The following CABIN1 variants were observed in gnomAD, a reference collection of about 807,000 sequenced individuals.
The protein encoded by CABIN1 is calcineurin binding protein 1, also known as calcineurin-binding protein cabin-1.
CABIN1 carries 133 observed loss-of-function variants against 227.7 expected under a neutral mutation model. The ratio of observed to expected loss-of-function variants is 0.58; its 90% CI spans 0.51 to 0.67. The LOEUF (loss-of-function observed/expected upper bound fraction) is 0.67. Ranked by LOEUF, CABIN1 falls within the 30% of genes least tolerant of loss-of-function variation. The pLI is 0.00. For synonymous variants in CABIN1, 1,086 were observed against 1,155.1 expected (o/e 0.94, Z 1.21); for missense variants, 2,408 against 2,852.5 (o/e 0.84, Z 3.55).
chr22:24,044,409 T>G (rs571701900), intron 6 of CABIN1, among the ~76,000 whole-genome samples: 1 of 152,344 alleles, frequency 6.6e-6, no homozygotes, highest in East Asian at 1.9e-4. Flanking sequence ...GATACCTGAT[T>G]AAATCTGTGG....
At chr22:24,018,806 G>A (rs1002579834) in intron 1 of CABIN1, among the ~76,000 whole-genome samples, 15 of 151,396 alleles carry the variant, frequency 9.9e-5, no homozygotes, top group African/African-American at 3.4e-4. Flanking sequence ...ATATTATCTT[G>A]TCAGTATTTG....
Position 24,098,423 on chromosome 22 carries a change from AGG to A in CABIN1, c.4117+235_4117+236del, listed in dbSNP as rs2042022785. On this transcript the variant is annotated intron_variant, in intron 26 of 36. Coordinates refer to ENST00000263119, the MANE Select transcript of CABIN1 (RefSeq NM_012295.4). ...AGCTTGCCCACCTGGGAGCCAGGGG[AGG>A]GGGCAGGCCAGGCTATGGCATCTCA... is the stretch of plus-strand genomic sequence containing the variant. The A allele has an allele frequency of 5.6e-5, 46 of 823,276 alleles. No homozygotes were observed. In the East Asian group the frequency reaches 1.3e-3, roughly 23 times the overall value. The allele number at this position is 823,276 out of a possible 1,614,324, so 51.0% of individuals were successfully genotyped here. A position where few individuals can be genotyped will look rare whatever the true frequency, so the allele number is the denominator to read the frequency against.
intron 1 of CABIN1, among the ~76,000 whole-genome samples, chr22:24,034,060 A>G (rs2036688992): frequency 6.6e-6 from 1 of 152,206 alleles, no homozygotes; most frequent in Admixed American, 6.5e-5. Flanking sequence ...ATCATCAGGC[A>G]TTAGTTAGAT....
rs562686515 is a variant in CABIN1 at position 24,100,173 on chromosome 22, T to C, written c.4117+1981T>C. Among the ~76,000 whole-genome samples the C allele has an allele frequency of 3.9e-5, 6 of 152,378 alleles. No homozygotes were observed. The South Asian group carries it at 1.2e-3, about 32-fold the overall frequency. ...AAAAAAATGTCTTCAAAGTGATTCC[T>C]GTCAAAGACACAAAGCCATCAGGAT... On this transcript the variant is annotated intron_variant, in intron 26 of 36. Coordinates refer to ENST00000263119, the MANE Select transcript of CABIN1 (RefSeq NM_012295.4).
At chr22:24,150,975 ACT>A (rs1307770127) in intron 29 of CABIN1, among the ~76,000 whole-genome samples, 4 of 151,808 alleles carry the variant, frequency 2.6e-5, no homozygotes, top group African/African-American at 9.7e-5. Flanking sequence ...TTTGGGGGTG[ACT>A]CTGTAGGGCA....
At chr22:24,046,445 C>G (rs1433890230) in intron 6 of CABIN1, among the ~76,000 whole-genome samples, 1 of 152,128 alleles carries the variant, frequency 6.6e-6, no homozygotes, top group Non-Finnish European at 1.5e-5. Flanking sequence ...GCAGTTTCTT[C>G]TTCTGGAGGC....
chr22:24,049,149 G>C lies in CABIN1; in HGVS notation c.585G>C (p.Leu195=). ...LEKDCRYSKG[L]VLKEKIFEEQ... ...AGGATTGCCGGTACAGCAAAGGGCT[G>C]GTCCTCAAGGAGAAGATTTTTGAGG... The change falls in exon 7 of 37, where the codon CTG becomes CTC. Residue 195 remains leucine (L), a synonymous_variant. Coordinates refer to ENST00000263119, the MANE Select transcript of CABIN1 (RefSeq NM_012295.4). 6.2e-7 allele frequency: 1 copy of C among 1,614,106 alleles called. No individual in the cohort carries two copies. Among genetic ancestry groups the C allele is most frequent in the Non-Finnish European group, 8.5e-7 (1 of 1,180,012 alleles).
chr22:24,118,607 C>G (rs944272265), intron 27 of CABIN1, among the ~76,000 whole-genome samples: 1 of 152,178 alleles, frequency 6.6e-6, no homozygotes, highest in Non-Finnish European at 1.5e-5. Flanking sequence ...ACCACAGGAC[C>G]CCTTGCCTTT....
intron 17 of CABIN1, chr22:24,071,331 G>A (rs767430145): frequency 1.2e-5 from 6 of 482,722 alleles, no homozygotes; most frequent in African/African-American, 2.0e-5. Context: ...GGGAGGCCCT[G>A]GTCTGCCTGC....
At chr22:24,044,040 C>T (rs566376207) in intron 6 of CABIN1, among the ~76,000 whole-genome samples, 8 of 152,276 alleles carry the variant, frequency 5.3e-5, no homozygotes, top group East Asian at 1.9e-4. Context: ...CCTGATGCTC[C>T]GCCCTTGATG....
intron 29 of CABIN1, among the ~76,000 whole-genome samples, chr22:24,135,824 A>G (rs913390471): frequency 6.6e-6 from 1 of 152,182 alleles, no homozygotes; most frequent in African/African-American, 2.4e-5. Context: ...TAACAGGCCA[A>G]TTCTCAGGGT....
At chr22:24,084,453 T>C in intron 20 of CABIN1, 126 bp from the exon 21 acceptor site, 1 of 855,502 alleles carries the variant, frequency 1.2e-6, no homozygotes, top group South Asian at 1.3e-5. Context: ...GGGATTTGTT[T>C]TAGGCTCTCC....
chr22:24,041,766 C>T (rs1270539545), intron 5 of CABIN1, among the ~76,000 whole-genome samples: 2 of 152,174 alleles, frequency 1.3e-5, no homozygotes, highest in East Asian at 1.9e-4. Flanking sequence ...CCAGACACTG[C>T]GCTGTTTGCT....
At chr22:24,084,156 T>C (rs1232311792) in intron 20 of CABIN1, among the ~76,000 whole-genome samples, 1 of 152,192 alleles carries the variant, frequency 6.6e-6, no homozygotes. Context: ...AGAGCGCAGC[T>C]TGTGGTTTCT....
chr22:24,154,732 G>T (rs2045680689), intron 29 of CABIN1, among the ~76,000 whole-genome samples: 1 of 152,234 alleles, frequency 6.6e-6, no homozygotes, highest in Non-Finnish European at 1.5e-5. Flanking sequence ...AAGGAGGGCA[G>T]AGAGTGTGAC....
At chr22:24,122,091 T>C (rs1308874486) in intron 28 of CABIN1, among the ~76,000 whole-genome samples, 1 of 141,702 alleles carries the variant, frequency 7.1e-6, no homozygotes, top group Non-Finnish European at 1.5e-5. Context: ...AATGGCTTTA[T>C]GTTGAATTTG....
Position 24,050,968 on chromosome 22 carries a change from T to C in CABIN1, c.800T>C (p.Phe267Ser). Reference protein sequence around the residue: ...PDLKLVQPIPFFTWKCLGESL... With the variant: ...PDLKLVQPIPSFTWKCLGESL... Reference sequence around the variant, plus strand: ...CTGAAACTTGTGCAGCCCATTCCTTTCTTCACGTAGGTTGTCTAGCGTCTC... The same window carrying C: ...CTGAAACTTGTGCAGCCCATTCCTTCCTTCACGTAGGTTGTCTAGCGTCTC... Residue 267 changes from phenylalanine to serine, a missense_variant, in exon 8 of 37, where the codon TTC (phenylalanine) becomes TCC (serine). Around this residue, in one of 3 missense-constraint regions of CABIN1, gnomAD observed 1,045 missense variants for 1,168.4 expected, o/e 0.89. Transcript: ENST00000263119. The C allele has an allele frequency of 6.2e-7, 1 of 1,614,190 alleles. No individual in the cohort carries two copies. The highest frequency in any genetic ancestry group is 8.5e-7 in the Non-Finnish European group (1 of 1,180,042).
intron 16 of CABIN1, among the ~76,000 whole-genome samples, chr22:24,068,447 C>G (rs775008576): frequency 6.6e-6 from 1 of 152,220 alleles, no homozygotes; most frequent in Non-Finnish European, 1.5e-5. Flanking sequence ...TGGTCTTGCT[C>G]TTATTGTCTT....
At chr22:24,037,259 CAAAAA>C (rs71184942) in intron 3 of CABIN1, among the ~76,000 whole-genome samples, 2 of 52,630 alleles carry the variant, frequency 3.8e-5, no homozygotes, top group African/African-American at 6.8e-5. Context: ...GACCCCGTCT[CAAAAA>C]AAAAAAAAAA....
Sources: allele counts gnomAD v4.1 joint callset (sites outside exome capture counted in the v4.1 genomes callset), GRCh38; gene constraint gnomAD v4.1.1; regional missense constraint gnomAD v4.1.1; transcripts MANE v1.5; gene names NCBI Gene and HGNC (gene_info 2026-07-23, HGNC 2026-07-21).